The following HDX variants were observed in gnomAD, a reference collection of about 807,000 sequenced individuals.
The protein encoded by HDX is chromosome X open reading frame 43.
In HDX, 19 loss-of-function variants were observed where a neutral mutation model predicts 45.2. The ratio of observed to expected loss-of-function variants is 0.42; its 90% CI spans 0.29 to 0.62. The LOEUF is 0.62. HDX is among the 20% of genes least tolerant of loss of function. HDX has a pLI of 0.20. For missense variants in HDX, 532 were observed against 493.9 expected, an observed-to-expected ratio of 1.08 and a Z score of -0.73; for synonymous variants, 188 against 172.8, an observed-to-expected ratio of 1.09 and a Z score of -0.69.
chrX:84,382,207 G>A (rs752783446), intron 5 of HDX, among the ~76,000 whole-genome samples: 14 of 111,231 alleles, frequency 1.3e-4, no homozygotes, highest in Admixed American at 1.9e-4. Context: ...AAATTCTGGC[G>A]AGGATGTGGA....
chrX:84,453,590 C>A, intron 4 of HDX, among the ~76,000 whole-genome samples: 1 of 112,023 alleles, frequency 8.9e-6, no homozygotes, highest in Non-Finnish European at 1.9e-5. Context: ...GCAAGCCTCA[C>A]CATTGAGGGC....
intron 5 of HDX, among the ~76,000 whole-genome samples, chrX:84,405,053 T>G (rs1461502759): frequency 9.0e-6 from 1 of 111,040 alleles, no homozygotes. Flanking sequence ...AAAAAGCAAA[T>G]TCAGTTGATA....
intron 7 of HDX, among the ~76,000 whole-genome samples, chrX:84,343,657 G>C (rs2037135824): frequency 9.0e-6 from 1 of 110,996 alleles, no homozygotes. Flanking sequence ...TATGTCAAAA[G>C]AGAATCCTAT....
intron 5 of HDX, among the ~76,000 whole-genome samples, chrX:84,367,344 G>GATT (rs2037783512): frequency 8.9e-6 from 1 of 112,177 alleles, no homozygotes; most frequent in South Asian, 3.7e-4. Flanking sequence ...TAAAAATTCA[G>GATT]GAAACAGCAG....
At chrX:84,331,104 A>G (rs1223536415) in intron 9 of HDX, among the ~76,000 whole-genome samples, 1 of 111,708 alleles carries the variant, frequency 9.0e-6, no homozygotes, top group Non-Finnish European at 1.9e-5. Context: ...TGAGCAAGCT[A>G]TTAATGACTG....
At chrX:84,446,548 G>C (rs978021500) in intron 4 of HDX, among the ~76,000 whole-genome samples, 1 of 110,884 alleles carries the variant, frequency 9.0e-6, no homozygotes, top group African/African-American at 3.3e-5. Context: ...CAAACACAAT[G>C]TCTGTTTGTT....
intron 5 of HDX, among the ~76,000 whole-genome samples, chrX:84,373,761 AAAT>A (rs2037962944): frequency 9.0e-6 from 1 of 111,447 alleles, no homozygotes; most frequent in Non-Finnish European, 1.9e-5. Flanking sequence ...ACTTATCTCA[AAAT>A]AATAAGAGCT....
intron 5 of HDX, among the ~76,000 whole-genome samples, chrX:84,422,817 C>G (rs1280869756): frequency 9.3e-6 from 1 of 107,423 alleles, no homozygotes; most frequent in African/African-American, 3.4e-5. Context: ...TACAGGTGCC[C>G]GCCACCATGC....
In HDX at chrX:84,333,950, T is replaced by G. The variant is rs780155259; in HGVS notation, c.1741-108A>C. 1.0e-4 allele frequency: 38 copies of G among 379,930 alleles called. No homozygotes were observed. The East Asian group carries it at 1.5e-3, about 15-fold the overall frequency. The allele number at this position is 379,930 out of a possible 1,213,427, so 31.3% of individuals were successfully genotyped here. A position where few individuals can be genotyped will look rare whatever the true frequency, so the allele number is the denominator to read the frequency against. On this transcript the variant is annotated intron_variant, in intron 8 of 10. Transcript: ENST00000373177. ...TGTTTAGGTTATCTAGTCTAGGTTA[T>G]CTGGAATAAATTCTGATAACTGACT...
At chrX:84,388,850 T>C (rs778500167) in intron 5 of HDX, among the ~76,000 whole-genome samples, 1 of 111,787 alleles carries the variant, frequency 8.9e-6, no homozygotes, top group East Asian at 2.8e-4. Context: ...AGCTAGTGGG[T>C]AAGGGACACT....
At chrX:84,349,403 ATGTGTGTGTGTGTGTGTGTGTGTG>A (rs58864600) in intron 6 of HDX, among the ~76,000 whole-genome samples, 1 of 68,490 alleles carries the variant, frequency 1.5e-5, no homozygotes, top group Non-Finnish European at 2.7e-5. Flanking sequence ...ATATATATAT[ATGTGTGTGTGTGTGTGTGTGTGTG>A]TGTGTGTGTG....
intron 2 of HDX, among the ~76,000 whole-genome samples, chrX:84,485,652 C>T (rs1182202027): frequency 8.9e-6 from 1 of 112,195 alleles, no homozygotes; most frequent in African/African-American, 3.2e-5. Context: ...CCCTCCTTGG[C>T]CTCCCAAAGT....
intron 4 of HDX, among the ~76,000 whole-genome samples, chrX:84,443,534 A>C (rs1242858577): frequency 8.9e-6 from 1 of 111,876 alleles, no homozygotes; most frequent in African/African-American, 3.2e-5. Flanking sequence ...TGATGTTGAC[A>C]TTATTCAAAG....
At chrX:84,381,102 C>A (rs1337384981) in intron 5 of HDX, among the ~76,000 whole-genome samples, 1 of 110,722 alleles carries the variant, frequency 9.0e-6, no homozygotes, top group Non-Finnish European at 1.9e-5. Context: ...AAACAGGAAT[C>A]CCATTTACAA....
chrX:84,475,487 G>A, intron 2 of HDX, 90 bp from the exon 3 acceptor site: 1 of 517,386 alleles, frequency 1.9e-6, no homozygotes, highest in Non-Finnish European at 3.0e-6. Context: ...CAATTTCAAT[G>A]CTTCCAAGCT....
At chrX:84,354,932 TATATATATATATA>T (rs1569290959) in intron 6 of HDX, among the ~76,000 whole-genome samples, 1 of 3,618 alleles carries the variant, frequency 2.8e-4, no homozygotes, top group African/African-American at 1.9e-3. Flanking sequence ...CACACACACA[TATATATATATATA>T]TATATATATA....
In HDX at chrX:84,447,465, T is replaced by C. The variant is rs1159335555; in HGVS notation, c.1252-6880A>G. Among the ~76,000 whole-genome samples the C allele has an allele frequency of 2.7e-5, 3 of 111,295 alleles. No homozygotes were observed. In the Admixed American group the frequency reaches 2.9e-4, roughly 11 times the overall value. On this transcript the variant is annotated intron_variant, in intron 4 of 10. Coordinates refer to ENST00000373177, the MANE Select transcript of HDX (RefSeq NM_001177479.2). ...CACCCAGTAGTACACATTTCTACCA[T>C]GGATTCCTGCAATCTTAGCCAATGG...
chrX:84,444,735 A>C (rs2039836527), intron 4 of HDX, among the ~76,000 whole-genome samples: 1 of 111,737 alleles, frequency 8.9e-6, no homozygotes, highest in Admixed American at 9.5e-5. Flanking sequence ...GAGTCACATC[A>C]AATGTATACT....
At chrX:84,343,662 T>A (rs2037135943) in intron 7 of HDX, among the ~76,000 whole-genome samples, 1 of 110,957 alleles carries the variant, frequency 9.0e-6, no homozygotes, top group South Asian at 3.7e-4. Context: ...CAAAAGAGAA[T>A]CCTATCTATG....
Sources: allele counts gnomAD v4.1 joint callset (sites outside exome capture counted in the v4.1 genomes callset), GRCh38; gene constraint gnomAD v4.1.1; transcripts MANE v1.5; gene names NCBI Gene and HGNC (gene_info 2026-07-23, HGNC 2026-07-21).